Variants in NINL observed in about 807,000 individuals in gnomAD.
NINL encodes ninein-like protein.
A neutral mutation model predicts 160.3 loss-of-function variants in NINL; 153 were observed. That is an observed-to-expected ratio of 0.95 (90% CI 0.84 to 1.09). The LOEUF (loss-of-function observed/expected upper bound fraction) is 1.09. Among genes scored for constraint, NINL ranks in the 50% least tolerant of loss-of-function variants. The probability of loss-of-function intolerance (pLI) is 0.00; values close to 1 mark genes in which losing one functional copy is unlikely to be tolerated. For missense variants in NINL, 1,829 were observed against 1,764.0 expected, an observed-to-expected ratio of 1.04 and a Z score of -0.66; for synonymous variants, 800 against 734.8, an observed-to-expected ratio of 1.09 and a Z score of -1.43.
At chr20:25,548,212 G>A (rs1167355409) in intron 1 of NINL, among the ~76,000 whole-genome samples, 2 of 152,188 alleles carry the variant, frequency 1.3e-5, no homozygotes, top group Admixed American at 6.5e-5. Flanking sequence ...GTGTGGCCGA[G>A]TCAAGCTGCT....
chr20:25,501,373 G>C (rs1442644027), intron 7 of NINL, among the ~76,000 whole-genome samples: 2 of 152,246 alleles, frequency 1.3e-5, no homozygotes, highest in South Asian at 2.1e-4. Flanking sequence ...CGGGAGCCTG[G>C]CCTCGCAGAG....
Position 25,480,230 on chromosome 20 carries a change from TA to T in NINL, c.1847del (p.Ile616LysfsTer5). The T allele has an allele frequency of 6.2e-7, 1 of 1,614,102 alleles. No homozygotes were observed. Among genetic ancestry groups the T allele is most frequent in the Non-Finnish European group, 8.5e-7 (1 of 1,180,006 alleles). On this transcript the variant is annotated frameshift_variant, in exon 15 of 24. Coordinates refer to ENST00000278886, the MANE Select transcript of NINL (RefSeq NM_025176.6). LOFTEE classifies it high-confidence loss of function. ...SFLGNSAPVS[I>X]ETELMMEQVK... ...CCTGCTCCATCATCAGCTCCGTTTCTATACTCACTGGAGCAGAATTACCCAG... is the reference window on the plus strand; with the variant it reads ...CCTGCTCCATCATCAGCTCCGTTTCTTACTCACTGGAGCAGAATTACCCAG...
At chr20:25,560,537 A>G (rs947265818) in intron 1 of NINL, among the ~76,000 whole-genome samples, 1 of 152,216 alleles carries the variant, frequency 6.6e-6, no homozygotes, top group Non-Finnish European at 1.5e-5. Context: ...GGAGCCCAGC[A>G]GCCCTGAGTG....
intron 1 of NINL, among the ~76,000 whole-genome samples, chr20:25,555,381 C>A (rs1275712971): frequency 1.3e-5 from 2 of 152,150 alleles, no homozygotes; most frequent in African/African-American, 2.4e-5. Flanking sequence ...TCCATAGAGG[C>A]TATATCTATT....
At chr20:25,461,205 C>A (rs1422458879) in intron 21 of NINL, among the ~76,000 whole-genome samples, 2 of 152,226 alleles carry the variant, frequency 1.3e-5, no homozygotes, top group Non-Finnish European at 2.9e-5. Flanking sequence ...GAGCCTGCTG[C>A]CTTGGTTCTG....
intron 13 of NINL, among the ~76,000 whole-genome samples, chr20:25,488,388 G>A (rs1181627468): frequency 6.6e-6 from 1 of 152,112 alleles, no homozygotes; most frequent in Non-Finnish European, 1.5e-5. Context: ...ACCACACCCA[G>A]CTGATTTTTG....
chr20:25,570,614 T>A (rs570992085), intron 1 of NINL, among the ~76,000 whole-genome samples: 1 of 151,638 alleles, frequency 6.6e-6, no homozygotes, highest in Non-Finnish European at 1.5e-5. Flanking sequence ...TATTTCTTTA[T>A]AGCAGTGCGA....
In NINL at chr20:25,510,699, A is replaced by T. The variant is rs2064053299; in HGVS notation, c.492T>A (p.Ala164=). The change falls in exon 5 of 24, where the codon GCT becomes GCA. Residue 164 remains alanine (A), a synonymous_variant. Transcript: ENST00000278886. Reference sequence around the variant, plus strand: ...CTTGTGCTTCAAATAATTCATTCTGAGCTTCTTTAGTGCTCTCGGCCTCTT... The same window carrying T: ...CTTGTGCTTCAAATAATTCATTCTGTGCTTCTTTAGTGCTCTCGGCCTCTT... ...SDEEAESTKE[A]QNELFEAQGQ... is the part of the protein sequence containing the mutation. The T allele has an allele frequency of 1.9e-6, 3 of 1,613,812 alleles. No homozygotes were observed. Among genetic ancestry groups the T allele is most frequent in the Non-Finnish European group, 2.5e-6 (3 of 1,180,004 alleles).
chr20:25,570,320 T>C (rs2065039274), intron 1 of NINL, among the ~76,000 whole-genome samples: 1 of 152,126 alleles, frequency 6.6e-6, no homozygotes, highest in African/African-American at 2.4e-5. Context: ...GCAACTGGAT[T>C]GTGGGGGCGG....
At chr20:25,562,060 T>G (rs1267023927) in intron 1 of NINL, among the ~76,000 whole-genome samples, 4 of 119,354 alleles carry the variant, frequency 3.4e-5, no homozygotes, top group Admixed American at 8.5e-5. Context: ...AGCCGCCCCG[T>G]CCGGGAGGCA....
intron 1 of NINL, among the ~76,000 whole-genome samples, chr20:25,576,153 T>C (rs1232192152): frequency 1.3e-5 from 2 of 152,226 alleles, no homozygotes; most frequent in East Asian, 1.9e-4. Context: ...AGACAAGCAC[T>C]GTACACGGTT....
chr20:25,550,800 T>C (rs2064799290), intron 1 of NINL, among the ~76,000 whole-genome samples: 1 of 152,248 alleles, frequency 6.6e-6, no homozygotes, highest in Non-Finnish European at 1.5e-5. Context: ...GATCAGGTTT[T>C]ACACTGAGAC....
chr20:25,463,162 C>T (rs1032810395), intron 19 of NINL, among the ~76,000 whole-genome samples: 2 of 152,112 alleles, frequency 1.3e-5, no homozygotes, highest in Non-Finnish European at 2.9e-5. Context: ...GTGCCGAGGA[C>T]AGAAAGCCCT....
chr20:25,480,607 G>T lies in NINL; in HGVS notation c.1811-340C>A, dbSNP rs1363426714. On this transcript the variant is annotated intron_variant, in intron 14 of 23. Coordinates refer to ENST00000278886, the MANE Select transcript of NINL (RefSeq NM_025176.6). The stretch of plus-strand genomic sequence containing the variant: ...AAATGGAAGGACATAATGGCCTGTG[G>T]CACAGCAGATGCCCGGTGGTGCAGA... Among the ~76,000 whole-genome samples the T allele has an allele frequency of 2.9e-4, 44 of 152,200 alleles. 1 individual carries two copies. Among genetic ancestry groups the T allele is most frequent in the Non-Finnish European group, 2.9e-5 (2 of 68,034 alleles).
intron 5 of NINL, 116 bp downstream of exon 5, chr20:25,510,558 C>G (rs1801307052): frequency 1.1e-6 from 1 of 895,426 alleles, no homozygotes; most frequent in Admixed American, 1.7e-5. Flanking sequence ...CAACCCACCC[C>G]ATGCATTTCC....
At chr20:25,548,767 ACCCACGGCCACAGCT>A (rs2064768777) in intron 1 of NINL, among the ~76,000 whole-genome samples, 1 of 147,486 alleles carries the variant, frequency 6.8e-6, no homozygotes, top group African/African-American at 2.5e-5. Flanking sequence ...TGACCCCAGC[ACCCACGGCCACAGCT>A]CCCACACAGA....
intron 1 of NINL, among the ~76,000 whole-genome samples, chr20:25,582,947 G>A (rs1366011435): frequency 2.0e-5 from 3 of 152,180 alleles, no homozygotes; most frequent in African/African-American, 7.2e-5. Context: ...AACAGAAACT[G>A]GACTCCTTCC....
rs565977716 is a variant in NINL, at chr20:25,455,179, G to A, written c.3957+494C>T. On this transcript the variant is annotated intron_variant, in intron 23 of 23. Coordinates refer to ENST00000278886, the MANE Select transcript of NINL (RefSeq NM_025176.6). ...GCCTCTGCTGGGGACACAGCTGGACGTTCCTGTGCTGGTCACTGGGCATCT... is the reference window on the plus strand; with the variant it reads ...GCCTCTGCTGGGGACACAGCTGGACATTCCTGTGCTGGTCACTGGGCATCT... Among the ~76,000 whole-genome samples, 23 of 152,314 alleles carry A rather than the reference G, an allele frequency of 1.5e-4. No individual in the cohort carries two copies. The South Asian group carries it at 3.9e-3, about 26-fold the overall frequency.
At position 25,470,042 on chromosome 20, in the gene NINL, C is replaced by T. The variant is rs182405752; in HGVS notation, c.3302G>A (p.Gly1101Glu). 2.2e-5 allele frequency: 36 copies of T among 1,614,148 alleles called. No individual in the cohort carries two copies. The Admixed American group carries it at 5.0e-4, about 22-fold the overall frequency. Residue 1101 changes from glycine (G) to glutamate (E), a missense_variant, in exon 18 of 24, where the codon GGA becomes GAA. By Grantham distance (98) the Gly-to-Glu change is moderately conservative (BLOSUM62 -2). Coordinates refer to ENST00000278886, the MANE Select transcript of NINL (RefSeq NM_025176.6). ...AGCTTCAAGCTCTTGCCGAACCCTT[C>T]CCAGATCGTTTTTCAACAAAGTGTT... The part of the protein sequence containing the change: ...EENTLLKNDL[G>E]RVRQELEAAE...
Sources: gnomAD v4.1 joint callset for allele counts (sites outside exome capture counted in the v4.1 genomes callset) on GRCh38, gnomAD v4.1.1 for gene constraint, MANE v1.5 for transcripts, NCBI Gene and HGNC (gene_info 2026-07-23, HGNC 2026-07-21) for gene names.